PSD3: variants seen among roughly 807,000 people sequenced by gnomAD.
PSD3 encodes PH and SEC7 domain-containing protein 3.
Under a neutral mutation model 105.5 loss-of-function variants are expected in PSD3, and 49 were observed. That is an observed-to-expected ratio of 0.46 (90% confidence interval 0.37 to 0.59). The LOEUF (loss-of-function observed/expected upper bound fraction) is 0.59, where lower values mean the gene tolerates loss of function less well. Among genes scored for constraint, PSD3 ranks in the 20% least tolerant of loss-of-function variants. The pLI, the probability that PSD3 is intolerant of heterozygous loss-of-function variation, is 0.00. For missense variants in PSD3, 1,561 were observed against 1,263.8 expected, an observed-to-expected ratio of 1.24 and a Z score of -3.57; for synonymous variants, 557 against 457.8, an observed-to-expected ratio of 1.22 and a Z score of -2.77.
At chr8:18,544,093 G>T (rs907632797) in intron 15 of PSD3, among the ~76,000 whole-genome samples, 1 of 145,088 alleles carries the variant, frequency 6.9e-6, no homozygotes, top group Non-Finnish European at 1.5e-5. Flanking sequence ...GACAAAATGA[G>T]CAGAAAAGCA....
intron 1 of PSD3, among the ~76,000 whole-genome samples, chr8:19,079,495 T>TACCG (rs1239280364): frequency 2.6e-5 from 4 of 152,210 alleles, no homozygotes; most frequent in Non-Finnish European, 5.9e-5. Flanking sequence ...TTATCTAGAA[T>TACCG]ACTATTTTAT....
intron 9 of PSD3, among the ~76,000 whole-genome samples, chr8:18,658,965 T>C (rs1007679751): frequency 2.0e-5 from 3 of 152,148 alleles, no homozygotes; most frequent in Non-Finnish European, 2.9e-5. Context: ...TCTCTCTCAA[T>C]AGTAACAACA....
chr8:18,918,502 C>T (rs1476412821), intron 2 of PSD3, among the ~76,000 whole-genome samples: 1 of 152,170 alleles, frequency 6.6e-6, no homozygotes, highest in Non-Finnish European at 1.5e-5. Flanking sequence ...ATATTTCTAC[C>T]TCTAGCCCAG....
At chr8:18,760,811 TC>T (rs1459237292) in intron 9 of PSD3, among the ~76,000 whole-genome samples, 1 of 151,614 alleles carries the variant, frequency 6.6e-6, no homozygotes, top group Non-Finnish European at 1.5e-5. Flanking sequence ...CAGTCAAGAG[TC>T]CATAAAAATT....
chr8:18,660,681 G>C (rs181440708), intron 9 of PSD3, among the ~76,000 whole-genome samples: 3 of 152,258 alleles, frequency 2.0e-5, no homozygotes, highest in Admixed American at 1.3e-4. Flanking sequence ...CCTTGGACGA[G>C]GAAACTGCAT....
At chr8:18,561,096 C>T (rs1413894353) in intron 14 of PSD3, among the ~76,000 whole-genome samples, 1 of 152,116 alleles carries the variant, frequency 6.6e-6, no homozygotes, top group East Asian at 1.9e-4. Flanking sequence ...AGTATGTAGC[C>T]AAAGAAATGA....
chr8:18,563,171 G>C (rs1801506865), intron 14 of PSD3, among the ~76,000 whole-genome samples: 1 of 152,142 alleles, frequency 6.6e-6, no homozygotes, highest in Non-Finnish European at 1.5e-5. Context: ...CAGAGAGATA[G>C]TATGTGGCAG....
intron 4 of PSD3, among the ~76,000 whole-genome samples, chr8:18,857,454 T>A (rs1816105884): frequency 6.6e-6 from 1 of 152,188 alleles, no homozygotes; most frequent in African/African-American, 2.4e-5. Context: ...GAACCTAGGC[T>A]GCGCATCAGA....
intron 9 of PSD3, among the ~76,000 whole-genome samples, chr8:18,691,321 T>G (rs1442794678): frequency 6.6e-6 from 1 of 152,348 alleles, no homozygotes; most frequent in Non-Finnish European, 1.5e-5. Flanking sequence ...AGATTTGCTG[T>G]TTAGAAGTAC....
intron 12 of PSD3, among the ~76,000 whole-genome samples, chr8:18,580,188 C>G (rs1386495309): frequency 6.6e-6 from 1 of 151,920 alleles, no homozygotes; most frequent in East Asian, 1.9e-4. Context: ...AGCAGTTTCA[C>G]AAAAGGAAAT....
At chr8:18,901,469 A>ATTTGTAAT in intron 2 of PSD3, among the ~76,000 whole-genome samples, 1 of 152,216 alleles carries the variant, frequency 6.6e-6, no homozygotes, top group African/African-American at 2.4e-5. Flanking sequence ...TATTTTGTTA[A>ATTTGTAAT]TTTGTTTTTG....
At chr8:18,596,401 A>G (rs1804097642) in intron 12 of PSD3, among the ~76,000 whole-genome samples, 1 of 152,058 alleles carries the variant, frequency 6.6e-6, no homozygotes, top group Admixed American at 6.6e-5. Context: ...AATAAACGAA[A>G]TAGAGAAATG....
intron 9 of PSD3, among the ~76,000 whole-genome samples, chr8:18,691,003 A>G (rs1432138038): frequency 6.6e-6 from 1 of 150,956 alleles, no homozygotes; most frequent in Non-Finnish European, 1.5e-5. Flanking sequence ...GGCGGTTAGG[A>G]GTAAAAAAAA....
upstream of PSD3, chr8:19,013,772 C>G (rs1299234318): frequency 3.9e-6 from 1 of 257,100 alleles, no homozygotes; most frequent in African/African-American, 2.3e-5. Flanking sequence ...AGCCGCCCGC[C>G]CGGCCCCCAG....
At chr8:18,624,317 T>A (rs923772063) in intron 11 of PSD3, among the ~76,000 whole-genome samples, 1 of 152,076 alleles carries the variant, frequency 6.6e-6, no homozygotes, top group Non-Finnish European at 1.5e-5. Flanking sequence ...GACATTTCAC[T>A]ATATGTTTAA....
intron 1 of PSD3, among the ~76,000 whole-genome samples, chr8:18,965,252 T>C (rs919804997): frequency 2.0e-5 from 3 of 152,198 alleles, no homozygotes; most frequent in East Asian, 1.9e-4. Flanking sequence ...CTTCTGAAGA[T>C]GCTGGCAACT....
intron 10 of PSD3, among the ~76,000 whole-genome samples, chr8:18,652,331 A>T (rs1325866367): frequency 6.6e-6 from 1 of 152,120 alleles, no homozygotes; most frequent in Non-Finnish European, 1.5e-5. Context: ...AGGAGACTAC[A>T]TTGGAAGAAG....
chr8:18,532,085 G>A lies in PSD3; in HGVS notation c.*3658C>T, dbSNP rs372140575. 3.9e-5 allele frequency: 6 copies of A among 152,152 alleles called. No individual in the cohort carries two copies. Among genetic ancestry groups the A allele is most frequent in the East Asian group, 1.9e-4 (1 of 5,194 alleles). 9.4% of individuals were successfully genotyped at this position (152,152 alleles called of 1,614,324 possible). A position where few individuals can be genotyped will look rare whatever the true frequency, so the allele number is the denominator to read the frequency against. ...AAGACAATGGAGAAACTTCTTTAAC[G>A]TCAATTTTCTTCCAATTGTCAATGA... On this transcript the variant is annotated 3_prime_UTR_variant, in exon 16 of 16. Transcript: ENST00000327040.
At chr8:18,546,945 G>C (rs1391470959) in intron 15 of PSD3, among the ~76,000 whole-genome samples, 3 of 152,188 alleles carry the variant, frequency 2.0e-5, no homozygotes, top group Non-Finnish European at 4.4e-5. Flanking sequence ...TGTACCTCCA[G>C]CTGGAGGTGA....
Sources: allele counts gnomAD v4.1 joint callset (sites outside exome capture counted in the v4.1 genomes callset), GRCh38; gene constraint gnomAD v4.1.1; transcripts MANE v1.5; gene names NCBI Gene and HGNC (gene_info 2026-07-23, HGNC 2026-07-21).